The following OLFM2 variants were observed in gnomAD, a reference collection of about 807,000 sequenced individuals.
The protein encoded by OLFM2 is noelin-2.
Under a neutral mutation model 43.9 loss-of-function variants are expected in OLFM2, and 20 were observed. The ratio of observed to expected loss-of-function variants is 0.46; its 90% CI spans 0.32 to 0.66. OLFM2 has a LOEUF of 0.66. Ranked by LOEUF, OLFM2 falls within the 30% of genes least tolerant of loss-of-function variation. OLFM2 has a pLI of 0.04. For missense variants in OLFM2, 416 were observed against 643.6 expected, an observed-to-expected ratio of 0.65 and a Z score of 3.83; for synonymous variants, 268 against 278.6, an observed-to-expected ratio of 0.96 and a Z score of 0.38.
chr19:9,881,668 T>TC (rs1320948283), intron 1 of OLFM2, among the ~76,000 whole-genome samples: 2 of 46,240 alleles, frequency 4.3e-5, no homozygotes, highest in African/African-American at 5.2e-5. Flanking sequence ...ATTTTTAATT[T>TC]TTTTTTTTTT....
intron 1 of OLFM2, among the ~76,000 whole-genome samples, chr19:9,890,806 T>G (rs1372448463): frequency 6.6e-6 from 1 of 151,740 alleles, no homozygotes; most frequent in African/African-American, 2.4e-5. Context: ...TTTTAAAAAT[T>G]TATCGGGCAT....
At chr19:9,935,541 G>GCA (rs1005917864) in intron 1 of OLFM2, among the ~76,000 whole-genome samples, 3 of 151,830 alleles carry the variant, frequency 2.0e-5, no homozygotes, top group Non-Finnish European at 4.4e-5. Flanking sequence ...CACAGCGCTT[G>GCA]CACACACACA....
At chr19:9,930,560 A>G (rs2086476366) in intron 1 of OLFM2, among the ~76,000 whole-genome samples, 1 of 151,944 alleles carries the variant, frequency 6.6e-6, no homozygotes, top group South Asian at 2.1e-4. Context: ...CGTCTTAGAA[A>G]TAGGCCCGGC....
chr19:9,863,392 G>A (rs2046378483), intron 1 of OLFM2, among the ~76,000 whole-genome samples: 1 of 152,104 alleles, frequency 6.6e-6, no homozygotes, highest in Non-Finnish European at 1.5e-5. Flanking sequence ...GGTGTTCACA[G>A]TGACCTCTGG....
At chr19:9,917,493 G>A (rs1362866013) in intron 1 of OLFM2, among the ~76,000 whole-genome samples, 1 of 152,178 alleles carries the variant, frequency 6.6e-6, no homozygotes, top group African/African-American at 2.4e-5. Flanking sequence ...GGAGATTGGA[G>A]AGGAAGGCAG....
chr19:9,913,769 G>T (rs1599497514), intron 1 of OLFM2: 1 of 743,428 alleles, frequency 1.3e-6, no homozygotes, highest in African/African-American at 1.9e-5. Context: ...CCGGGACGGG[G>T]TGAGGGGGGG....
chr19:9,917,384 C>G, intron 1 of OLFM2, among the ~76,000 whole-genome samples: 1 of 96,184 alleles, frequency 1.0e-5, no homozygotes, highest in South Asian at 3.0e-4. Context: ...TGGGTCAGAG[C>G]CATGCCCTGC....
intron 1 of OLFM2, among the ~76,000 whole-genome samples, chr19:9,899,593 C>T (rs1394700449): frequency 6.6e-6 from 1 of 152,114 alleles, no homozygotes; most frequent in Non-Finnish European, 1.5e-5. Context: ...TGCTCTGTCA[C>T]CCAGACTGGA....
At chr19:9,911,978 T>C (rs1275585453) in intron 1 of OLFM2, among the ~76,000 whole-genome samples, 1 of 152,146 alleles carries the variant, frequency 6.6e-6, no homozygotes, top group Non-Finnish European at 1.5e-5. Context: ...ATACACATGC[T>C]GATACGTCCA....
At chr19:9,865,952 G>T (rs765400839) in intron 1 of OLFM2, among the ~76,000 whole-genome samples, 1 of 151,926 alleles carries the variant, frequency 6.6e-6, no homozygotes, top group Non-Finnish European at 1.5e-5. Flanking sequence ...AGACAAAGCC[G>T]CCGGTTCAAC....
rs765329614 is a variant in OLFM2 at position 9,857,233 on chromosome 19, CA to C, written c.580+29del. The C allele has an allele frequency of 5.0e-6, 8 of 1,596,316 alleles. No homozygotes were observed. In the African/African-American group the frequency reaches 5.4e-5, roughly 11 times the overall value. ...GGAGTTGGGTGTGGCAGTCAGAGAT[CA>C]GGGGTCAGGGTCAAGGGCCAAGGCA... On this transcript the variant is annotated intron_variant, in intron 4 of 5. Transcript: ENST00000264833. This position sits in a 1 kb window ranked among gnomAD's most constrained non-coding sequence, Gnocchi z 5.7.
Position 9,936,355 on chromosome 19 carries a change from G to T in OLFM2, c.12C>A (p.Leu4=). MWP[L]TVPPPLLLLL... is the part of the protein sequence containing the mutation. The stretch of plus-strand genomic sequence containing the variant: ...GCAGCAGCAGCGGCGGCGGGACCGT[G>T]AGCGGCCACATGACGCGCCCCTAGC... The change falls in exon 1 of 6, where the codon CTC becomes CTA. Residue 4 remains leucine, a synonymous_variant. Transcript: ENST00000264833. 1 of 1,500,268 alleles carries T rather than the reference G, an allele frequency of 6.7e-7. No individual in the cohort carries two copies. Among genetic ancestry groups the T allele is most frequent in the South Asian group, 1.2e-5 (1 of 80,728 alleles). The allele number at this position is 1,500,268 out of a possible 1,614,324, so 92.9% of individuals were successfully genotyped here.
chr19:9,895,427 C>G (rs1254912444), intron 1 of OLFM2, among the ~76,000 whole-genome samples: 2 of 151,940 alleles, frequency 1.3e-5, no homozygotes, highest in African/African-American at 4.8e-5. Flanking sequence ...CCTGAGAAGT[C>G]AAGGCTTCAG....
chr19:9,894,252 T>G (rs1402470558), intron 1 of OLFM2, among the ~76,000 whole-genome samples: 1 of 150,460 alleles, frequency 6.6e-6, no homozygotes, highest in Non-Finnish European at 1.5e-5. Flanking sequence ...GAGATCATGG[T>G]AACATGTGCT....
At position 9,857,118 on chromosome 19, in the gene OLFM2, G is replaced by A. The variant is rs1568365964; in HGVS notation, c.580+145C>T. ...GGCCATTTCCAGCTTCTGGACTCAAGTGTAGCCTTAGGTAGGAAGGTCAAG... is the reference window on the plus strand; with the variant it reads ...GGCCATTTCCAGCTTCTGGACTCAAATGTAGCCTTAGGTAGGAAGGTCAAG... On this transcript the variant is annotated intron_variant, in intron 4 of 5. Transcript: ENST00000264833. This position sits in a 1 kb window ranked among gnomAD's most constrained non-coding sequence, Gnocchi z 5.7. 3.4e-6 allele frequency: 3 copies of A among 887,100 alleles called. No homozygotes were observed. The highest frequency in any genetic ancestry group is 3.3e-5 in the African/African-American group (2 of 60,724). The allele number at this position is 887,100 out of a possible 1,614,324, so 55.0% of individuals were successfully genotyped here.
intron 1 of OLFM2, among the ~76,000 whole-genome samples, chr19:9,891,966 A>T (rs1367087095): frequency 6.6e-6 from 1 of 152,136 alleles, no homozygotes; most frequent in African/African-American, 2.4e-5. Flanking sequence ...CAGATGATAG[A>T]TAAGTGAGAA....
intron 1 of OLFM2, among the ~76,000 whole-genome samples, chr19:9,919,940 G>T (rs1456763206): frequency 6.6e-6 from 1 of 151,266 alleles, no homozygotes; most frequent in Admixed American, 6.6e-5. Flanking sequence ...GATTACAGGG[G>T]CAAGCCACCA....
At position 9,877,564 on chromosome 19, in the gene OLFM2, AAATAAAT is replaced by A. The variant is rs895906657; in HGVS notation, c.64-16777_64-16771del. On this transcript the variant is annotated intron_variant, in intron 1 of 5. Coordinates refer to ENST00000264833, the MANE Select transcript of OLFM2 (RefSeq NM_058164.4). Reference sequence around the variant, plus strand: ...TAAATAAATAAATAAATAAATAAATAAATAAATAAATACAATAAAATAAAAATAAAAA... The same window carrying A: ...TAAATAAATAAATAAATAAATAAATAAAATACAATAAAATAAAAATAAAAA... Among the ~76,000 whole-genome samples, 6 of 150,680 alleles carry A rather than the reference AAATAAAT, an allele frequency of 4.0e-5. No homozygotes were observed. In the East Asian group the frequency reaches 5.8e-4, roughly 15 times the overall value.
At chr19:9,923,162 T>A (rs1395235504) in intron 1 of OLFM2, among the ~76,000 whole-genome samples, 1 of 152,118 alleles carries the variant, frequency 6.6e-6, no homozygotes, top group African/African-American at 2.4e-5. Flanking sequence ...ATTTGCCTAC[T>A]TGTTGCAATT....
Sources: allele counts gnomAD v4.1 joint callset (sites outside exome capture counted in the v4.1 genomes callset), GRCh38; gene constraint gnomAD v4.1.1; non-coding constraint Gnocchi (gnomAD v3.1); transcripts MANE v1.5; gene names NCBI Gene and HGNC (gene_info 2026-07-23, HGNC 2026-07-21).